ZFHX3: variants seen among roughly 807,000 people sequenced by gnomAD.
ZFHX3 encodes the protein zinc finger homeobox protein 3.
ZFHX3 carries 42 observed loss-of-function variants against 279.1 expected under a neutral mutation model. That is an observed-to-expected ratio of 0.15 (90% CI 0.12 to 0.19). The LOEUF is 0.19. Among genes scored for constraint, ZFHX3 ranks in the 10% least tolerant of loss-of-function variants. ZFHX3 has a pLI of 1.00. For synonymous variants in ZFHX3, 2,293 were observed against 1,957.8 expected (o/e 1.17, Z -4.52); for missense variants, 4,981 against 4,754.0 (o/e 1.05, Z -1.40).
At chr16:72,917,538 C>T (rs1373571709) in intron 3 of ZFHX3, among the ~76,000 whole-genome samples, 1 of 152,268 alleles carries the variant, frequency 6.6e-6, no homozygotes, top group East Asian at 1.9e-4. Flanking sequence ...ACCTTCATAC[C>T]ACGGGGTGTT....
intron 5 of ZFHX3, among the ~76,000 whole-genome samples, chr16:73,157,617 G>A (rs934384193): frequency 2.0e-5 from 3 of 152,122 alleles, no homozygotes; most frequent in African/African-American, 4.8e-5. Context: ...TTGAAACTGA[G>A]AAAGTTCTTA....
intron 3 of ZFHX3, among the ~76,000 whole-genome samples, chr16:73,347,796 C>T (rs2016149789): frequency 6.6e-6 from 1 of 152,200 alleles, no homozygotes; most frequent in Non-Finnish European, 1.5e-5. Context: ...CTCCATGGTG[C>T]AGATAGCTCA....
intron 5 of ZFHX3, among the ~76,000 whole-genome samples, chr16:73,170,501 A>G (rs1010112924): frequency 1.3e-5 from 2 of 152,018 alleles, no homozygotes; most frequent in Admixed American, 1.3e-4. Context: ...AAGTGCTGGG[A>G]TTACAGGAGT....
At chr16:72,929,856 A>G (rs1163410955) in intron 3 of ZFHX3, among the ~76,000 whole-genome samples, 1 of 152,252 alleles carries the variant, frequency 6.6e-6, no homozygotes, top group Non-Finnish European at 1.5e-5. Context: ...ATGCAGTCAC[A>G]TGGATGTGCT....
Position 73,615,184 on chromosome 16 carries a change from G to A in ZFHX3, c.-1547+64996C>T, listed in dbSNP as rs186634562. On this transcript the variant is annotated intron_variant, in intron 2 of 17. Coordinates refer to the ZFHX3 transcript ENST00000641206. ...AGCTTGACACAATGAGGGGCCCCGGGCAGGAGTTTAGCCTAGAAGAAAGGA... is the reference window on the plus strand; with the variant it reads ...AGCTTGACACAATGAGGGGCCCCGGACAGGAGTTTAGCCTAGAAGAAAGGA... Among the ~76,000 whole-genome samples, 33 of 151,830 alleles carry A rather than the reference G, an allele frequency of 2.2e-4. No homozygotes were observed. The East Asian group carries it at 4.4e-3, about 20-fold the overall frequency.
At chr16:73,689,539 C>A (rs115325118) in intron 1 of ZFHX3, among the ~76,000 whole-genome samples, 622 of 152,324 alleles carry the variant, frequency 4.1e-3, no homozygotes, top group African/African-American at 0.014. Flanking sequence ...CCATCTTCCT[C>A]TTGCCCCTCC....
chr16:73,888,519 C>T (rs1010540455), intron 1 of ZFHX3, among the ~76,000 whole-genome samples: 1 of 152,168 alleles, frequency 6.6e-6, no homozygotes, highest in Non-Finnish European at 1.5e-5. Flanking sequence ...ATTTCCCAAA[C>T]AAAATTACCT....
chr16:73,789,996 G>T (rs997664443), intron 1 of ZFHX3, among the ~76,000 whole-genome samples: 1 of 152,106 alleles, frequency 6.6e-6, no homozygotes, highest in Non-Finnish European at 1.5e-5. Context: ...TTAAGGTTGT[G>T]TCAGCGTTTC....
chr16:72,965,131 G>A (rs989551868), intron 1 of ZFHX3, among the ~76,000 whole-genome samples: 1 of 152,134 alleles, frequency 6.6e-6, no homozygotes, highest in East Asian at 1.9e-4. Context: ...TGCCCGCCTC[G>A]GCCTCCCAAA....
At chr16:73,154,632 G>A (rs1246716747) in intron 5 of ZFHX3, among the ~76,000 whole-genome samples, 2 of 152,196 alleles carry the variant, frequency 1.3e-5, no homozygotes, top group Non-Finnish European at 2.9e-5. Flanking sequence ...TCCAGAGAAT[G>A]CAACATACAT....
chr16:72,929,240 A>G (rs959743472), intron 3 of ZFHX3, among the ~76,000 whole-genome samples: 1 of 136,518 alleles, frequency 7.3e-6, no homozygotes, highest in East Asian at 2.1e-4. Flanking sequence ...GACCCTGTCT[A>G]AAAAAAAAAA....
At chr16:73,746,855 G>A (rs62043698) in intron 1 of ZFHX3, among the ~76,000 whole-genome samples, 17,300 of 152,180 alleles carry the variant, frequency 0.11, 1,001 homozygotes, top group South Asian at 0.13. Context: ...ACTATTAAGA[G>A]ACTAGCCTTC....
chr16:73,030,210 C>T (rs567491006), intron 1 of ZFHX3, among the ~76,000 whole-genome samples: 26 of 152,308 alleles, frequency 1.7e-4, no homozygotes, highest in African/African-American at 5.8e-4. Context: ...GCAAGAGTGG[C>T]CTGGAGACTC....
intron 5 of ZFHX3, among the ~76,000 whole-genome samples, chr16:72,825,417 T>C (rs774115909): frequency 2.0e-5 from 3 of 152,254 alleles, no homozygotes; most frequent in Non-Finnish European, 4.4e-5. Context: ...AGATGGTATA[T>C]TGGTAAGAGC....
chr16:73,738,946 C>A (rs1250455172), intron 1 of ZFHX3, among the ~76,000 whole-genome samples: 2 of 152,066 alleles, frequency 1.3e-5, no homozygotes, highest in East Asian at 3.9e-4. Flanking sequence ...TCGTCTATAA[C>A]CTCTTCTCCT....
intron 5 of ZFHX3, among the ~76,000 whole-genome samples, chr16:73,155,608 A>G (rs770904267): frequency 9.9e-5 from 15 of 152,126 alleles, no homozygotes; most frequent in Non-Finnish European, 1.6e-4. Flanking sequence ...GGATCACCTG[A>G]GGTCAGGAGT....
chr16:73,790,962 C>T (rs547501015), intron 1 of ZFHX3, among the ~76,000 whole-genome samples: 15 of 152,138 alleles, frequency 9.9e-5, no homozygotes, highest in Admixed American at 1.3e-4. Context: ...ACTCCAACCT[C>T]AGGTTTTTTG....
At chr16:73,777,877 T>C (rs1011763321) in intron 1 of ZFHX3, among the ~76,000 whole-genome samples, 2 of 151,506 alleles carry the variant, frequency 1.3e-5, no homozygotes, top group African/African-American at 4.9e-5. Flanking sequence ...CTAAAGGGAG[T>C]ATCTGGAAGG....
intron 8 of ZFHX3, among the ~76,000 whole-genome samples, chr16:73,082,516 G>C (rs924382087): frequency 1.3e-5 from 2 of 152,104 alleles, no homozygotes; most frequent in African/African-American, 2.4e-5. Flanking sequence ...GGATCCGCCT[G>C]CCTTGGCCTC....
Sources: gnomAD v4.1 joint callset for allele counts (sites outside exome capture counted in the v4.1 genomes callset) on GRCh38, gnomAD v4.1.1 for gene constraint, MANE v1.5 for transcripts, NCBI Gene and HGNC (gene_info 2026-07-23, HGNC 2026-07-21) for gene names.